Variants in SH3GL2 observed in about 807,000 individuals in gnomAD.
SH3GL2 encodes the protein SH3 domain containing GRB2 like 2, endophilin A1, also known as endophilin-A1.
A neutral mutation model predicts 46.0 loss-of-function variants in SH3GL2; 24 were observed. The observed-to-expected ratio is 0.52, with a 90% CI of 0.38 to 0.73. SH3GL2 has a LOEUF of 0.73. SH3GL2 is among the 30% of genes least tolerant of loss of function. SH3GL2 has a pLI of 0.00. For synonymous variants in SH3GL2, 196 were observed against 147.1 expected, an observed-to-expected ratio of 1.33 and a Z score of -2.40; for missense variants, 413 against 424.2, an observed-to-expected ratio of 0.97 and a Z score of 0.23.
intron 1 of SH3GL2, among the ~76,000 whole-genome samples, chr9:17,645,208 C>T (rs553761736): frequency 2.1e-4 from 23 of 110,650 alleles, no homozygotes; most frequent in African/African-American, 8.0e-4. Context: ...GTAAATCTTC[C>T]TCCATCCCTT....
At chr9:17,706,875 T>C (rs1821486073) in intron 1 of SH3GL2, among the ~76,000 whole-genome samples, 1 of 152,046 alleles carries the variant, frequency 6.6e-6, no homozygotes, top group South Asian at 2.1e-4. Context: ...AAAAAGTTGC[T>C]GTAGGGTTTT....
chr9:17,584,378 C>G (rs997996890), intron 1 of SH3GL2, among the ~76,000 whole-genome samples: 1 of 152,110 alleles, frequency 6.6e-6, no homozygotes, highest in African/African-American at 2.4e-5. Flanking sequence ...TGGCAGGTGC[C>G]TGTAATCCCA....
chr9:17,728,862 A>C (rs1279532841), intron 1 of SH3GL2, among the ~76,000 whole-genome samples: 1 of 152,010 alleles, frequency 6.6e-6, no homozygotes, highest in Non-Finnish European at 1.5e-5. Flanking sequence ...CATTTTCTTT[A>C]TCCAGTCTAT....
chr9:17,594,299 C>T (rs769998860), intron 1 of SH3GL2, among the ~76,000 whole-genome samples: 10 of 152,134 alleles, frequency 6.6e-5, no homozygotes, highest in Admixed American at 1.3e-4. Context: ...TTCAAGCCTT[C>T]GCACCATGCT....
intron 1 of SH3GL2, among the ~76,000 whole-genome samples, chr9:17,720,865 T>C (rs1488480039): frequency 6.6e-6 from 1 of 152,114 alleles, no homozygotes; most frequent in Non-Finnish European, 1.5e-5. Context: ...GCCACCAAAA[T>C]TTGATGAATG....
intron 2 of SH3GL2, among the ~76,000 whole-genome samples, chr9:17,755,371 C>G (rs1408769350): frequency 1.3e-5 from 2 of 152,182 alleles, no homozygotes. Context: ...TTTGACATGC[C>G]TCTGGATTTG....
intron 1 of SH3GL2, chr9:17,735,887 C>T (rs756160867): frequency 4.7e-5 from 11 of 231,914 alleles, no homozygotes; most frequent in Non-Finnish European, 7.8e-5. Flanking sequence ...CTGTTACATA[C>T]TTATACCCTG....
chr9:17,786,484 G>C lies in SH3GL2; in HGVS notation c.291G>C (p.Met97Ile). The part of the protein sequence containing the change: ...PQAEALLAEA[M>I]LKFGRELGDD... ...CAGAGGCGCTGCTGGCAGAGGCCAT[G>C]CTCAAATTTGGAAGAGAGCTTGGAG... The change falls in exon 4 of 9, where the codon ATG becomes ATC. Residue 97 changes from methionine to isoleucine, a missense_variant. Physicochemically the swap from Met to Ile is conservative, Grantham distance 10 (BLOSUM62 1). Coordinates refer to ENST00000380607, the MANE Select transcript of SH3GL2 (RefSeq NM_003026.5). 1 of 1,613,502 alleles carries C rather than the reference G, an allele frequency of 6.2e-7. No individual in the cohort carries two copies. The highest frequency in any genetic ancestry group is 8.5e-7 in the Non-Finnish European group (1 of 1,179,686).
intron 1 of SH3GL2, among the ~76,000 whole-genome samples, chr9:17,622,855 C>T (rs1819176274): frequency 6.6e-6 from 1 of 152,122 alleles, no homozygotes; most frequent in Non-Finnish European, 1.5e-5. Flanking sequence ...GACTCAAAGA[C>T]TGCCAATCCT....
chr9:17,778,223 A>G (rs1823699618), intron 3 of SH3GL2, among the ~76,000 whole-genome samples: 2 of 152,158 alleles, frequency 1.3e-5, no homozygotes, highest in Admixed American at 1.3e-4. Context: ...GTAGATGAAG[A>G]AATCCATTCA....
chr9:17,733,232 A>G (rs977063022), intron 1 of SH3GL2, among the ~76,000 whole-genome samples: 1 of 151,584 alleles, frequency 6.6e-6, no homozygotes, highest in Admixed American at 6.6e-5. Context: ...GAATGTGTTT[A>G]TTTCCCTCTC....
chr9:17,791,429 C>A, intron 7 of SH3GL2, 95 bp downstream of exon 7: 1 of 916,036 alleles, frequency 1.1e-6, no homozygotes. Flanking sequence ...TGGAGACAAA[C>A]GTCTGCCAAA....
At chr9:17,588,879 G>C (rs1040440917) in intron 1 of SH3GL2, among the ~76,000 whole-genome samples, 3 of 152,192 alleles carry the variant, frequency 2.0e-5, no homozygotes, top group Admixed American at 2.0e-4. Flanking sequence ...ATGTTTGGTT[G>C]GCTGGAACTT....
intron 1 of SH3GL2, among the ~76,000 whole-genome samples, chr9:17,743,109 C>G (rs1457454796): frequency 6.6e-6 from 1 of 152,144 alleles, no homozygotes; most frequent in African/African-American, 2.4e-5. Flanking sequence ...ATGGACTCAA[C>G]AAGCCTGTGT....
At chr9:17,619,148 G>A (rs1212465698) in intron 1 of SH3GL2, among the ~76,000 whole-genome samples, 1 of 152,112 alleles carries the variant, frequency 6.6e-6, no homozygotes, top group Admixed American at 6.5e-5. Flanking sequence ...AGAAGCCGTG[G>A]CATAGTAACT....
At chr9:17,660,059 T>TTA (rs1219062092) in intron 1 of SH3GL2, among the ~76,000 whole-genome samples, 1 of 152,164 alleles carries the variant, frequency 6.6e-6, no homozygotes, top group Non-Finnish European at 1.5e-5. Context: ...GTGGACAACT[T>TTA]TATTTAGTGT....
At chr9:17,715,383 C>G (rs941092703) in intron 1 of SH3GL2, among the ~76,000 whole-genome samples, 7 of 151,714 alleles carry the variant, frequency 4.6e-5, no homozygotes, top group African/African-American at 1.7e-4. Context: ...CATTTTCAGC[C>G]ATTACTTTTT....
At chr9:17,636,823 A>T (rs193087154) in intron 1 of SH3GL2, among the ~76,000 whole-genome samples, 178 of 152,312 alleles carry the variant, frequency 1.2e-3, no homozygotes, top group African/African-American at 4.1e-3. Context: ...CCAGTTCTCT[A>T]CTTATTGTTA....
intron 1 of SH3GL2, among the ~76,000 whole-genome samples, chr9:17,643,728 G>A (rs1325242160): frequency 3.3e-5 from 5 of 152,072 alleles, no homozygotes; most frequent in South Asian, 2.1e-4. Context: ...TGCTGGATTC[G>A]GTTTGTCAGT....
Sources: allele counts gnomAD v4.1 joint callset (sites outside exome capture counted in the v4.1 genomes callset), GRCh38; gene constraint gnomAD v4.1.1; transcripts MANE v1.5; gene names NCBI Gene and HGNC (gene_info 2026-07-23, HGNC 2026-07-21).